Variants in ZNF407 observed in about 807,000 individuals in gnomAD.
ZNF407 encodes zinc finger protein 407.
A neutral mutation model predicts 131.2 loss-of-function variants in ZNF407; 17 were observed. The observed-to-expected ratio is 0.13, with a 90% CI of 0.09 to 0.19. The LOEUF is 0.19. Among genes scored for constraint, ZNF407 ranks in the 10% least tolerant of loss-of-function variants. ZNF407 has a pLI of 1.00. For synonymous variants in ZNF407, 1,156 were observed against 1,062.0 expected (o/e 1.09, Z -1.72); for missense variants, 2,681 against 2,830.6 (o/e 0.95, Z 1.20).
intron 3 of ZNF407, among the ~76,000 whole-genome samples, chr18:74,716,683 A>G (rs76486841): frequency 0.011 from 1,687 of 152,338 alleles, 21 homozygotes; most frequent in Admixed American, 0.04. Context: ...AAAATATACT[A>G]TGGTAAAAAT....
intron 3 of ZNF407, among the ~76,000 whole-genome samples, chr18:74,774,667 T>C (rs573533300): frequency 7.9e-5 from 12 of 152,170 alleles, no homozygotes; most frequent in Non-Finnish European, 1.8e-4. Flanking sequence ...TTTGTCACTA[T>C]ACAAATAAAG....
chr18:74,677,018 C>T (rs1986422259), intron 3 of ZNF407, among the ~76,000 whole-genome samples: 1 of 152,104 alleles, frequency 6.6e-6, no homozygotes, highest in Non-Finnish European at 1.5e-5. Flanking sequence ...AGATTTTGGA[C>T]CCCTGCAGCT....
chr18:74,807,469 C>T (rs1337383607), intron 4 of ZNF407, among the ~76,000 whole-genome samples: 1 of 152,166 alleles, frequency 6.6e-6, no homozygotes, highest in Non-Finnish European at 1.5e-5. Context: ...ACTAGTTATG[C>T]TATAGTATGG....
At chr18:74,759,420 A>G (rs1217884699) in intron 3 of ZNF407, among the ~76,000 whole-genome samples, 1 of 151,840 alleles carries the variant, frequency 6.6e-6, no homozygotes, top group Non-Finnish European at 1.5e-5. Flanking sequence ...TGATTTCTTC[A>G]ATTTCTTTTC....
chr18:74,778,314 G>A (rs999233975), intron 3 of ZNF407, among the ~76,000 whole-genome samples: 81 of 152,226 alleles, frequency 5.3e-4, no homozygotes, highest in Admixed American at 5.2e-3. Context: ...CCTGAGCAGG[G>A]GTTGCTGGTC....
chr18:74,940,618 G>A (rs185622479), intron 8 of ZNF407, among the ~76,000 whole-genome samples: 1 of 152,294 alleles, frequency 6.6e-6, no homozygotes, highest in East Asian at 1.9e-4. Flanking sequence ...TAAGATTTGT[G>A]TCACTCTCTA....
At chr18:74,830,656 T>G (rs1970469758) in intron 4 of ZNF407, among the ~76,000 whole-genome samples, 1 of 152,182 alleles carries the variant, frequency 6.6e-6, no homozygotes, top group Non-Finnish European at 1.5e-5. Context: ...GTATGGCGTA[T>G]GTATGGTGTA....
At chr18:74,892,064 A>G (rs1559792) in intron 7 of ZNF407, among the ~76,000 whole-genome samples, 1,863 of 152,330 alleles carry the variant, frequency 0.012, 32 homozygotes, top group African/African-American at 0.042. Flanking sequence ...TAAAACAGAG[A>G]AAAGTGTTAT....
intron 3 of ZNF407, among the ~76,000 whole-genome samples, chr18:74,755,512 A>G (rs1391415304): frequency 6.9e-6 from 1 of 145,850 alleles, no homozygotes; most frequent in Non-Finnish European, 1.5e-5. Context: ...TCTTAATTGT[A>G]TTTCATTGAT....
intron 8 of ZNF407, among the ~76,000 whole-genome samples, chr18:75,025,539 A>G (rs777638413): frequency 2.0e-5 from 3 of 152,174 alleles, no homozygotes; most frequent in Non-Finnish European, 4.4e-5. Context: ...AATGTGTACA[A>G]CATTTCACTT....
At chr18:74,713,891 A>T (rs900721734) in intron 3 of ZNF407, among the ~76,000 whole-genome samples, 1 of 152,192 alleles carries the variant, frequency 6.6e-6, no homozygotes, top group Non-Finnish European at 1.5e-5. Flanking sequence ...TATGTTTGGC[A>T]TAATATGGCA....
chr18:74,762,603 C>A (rs1329726257), intron 3 of ZNF407, among the ~76,000 whole-genome samples: 4 of 152,090 alleles, frequency 2.6e-5, no homozygotes, highest in Non-Finnish European at 5.9e-5. Context: ...CTCTGCCATC[C>A]CTATGCAACT....
At chr18:75,029,091 C>T (rs1423099214) in intron 8 of ZNF407, among the ~76,000 whole-genome samples, 5 of 152,120 alleles carry the variant, frequency 3.3e-5, no homozygotes, top group Admixed American at 3.3e-4. Context: ...GCCCTTTTCT[C>T]AAAATGCACA....
chr18:74,797,997 G>T (rs1365343725), intron 4 of ZNF407, among the ~76,000 whole-genome samples: 1 of 152,098 alleles, frequency 6.6e-6, no homozygotes, highest in East Asian at 1.9e-4. Flanking sequence ...TGTACATGGG[G>T]AAGGGAAAGC....
At chr18:74,949,311 A>G (rs1972187929) in intron 8 of ZNF407, among the ~76,000 whole-genome samples, 1 of 152,200 alleles carries the variant, frequency 6.6e-6, no homozygotes, top group Non-Finnish European at 1.5e-5. Flanking sequence ...GTCAGGATTC[A>G]GGGGAATCAC....
chr18:74,750,611 C>G (rs1190352479), intron 3 of ZNF407, among the ~76,000 whole-genome samples: 2 of 152,152 alleles, frequency 1.3e-5, no homozygotes, highest in Non-Finnish European at 2.9e-5. Flanking sequence ...TTCACCCGTT[C>G]ATCATTTCAT....
intron 3 of ZNF407, among the ~76,000 whole-genome samples, chr18:74,648,704 C>T (rs1228199746): frequency 6.6e-6 from 1 of 152,132 alleles, no homozygotes; most frequent in African/African-American, 2.4e-5. Context: ...CAGCATAGTT[C>T]CAAATAATAA....
chr18:75,058,567 C>T (rs551380387), intron 8 of ZNF407, among the ~76,000 whole-genome samples: 6 of 152,228 alleles, frequency 3.9e-5, no homozygotes, highest in African/African-American at 1.4e-4. Flanking sequence ...TTAAAGGTAC[C>T]GTAATACAAA....
chr18:75,016,388 T>G (rs775955978), intron 8 of ZNF407, among the ~76,000 whole-genome samples: 3 of 152,162 alleles, frequency 2.0e-5, no homozygotes, highest in Non-Finnish European at 4.4e-5. Context: ...AGTTTCAACT[T>G]ATTTCACCAT....
Sources: allele counts gnomAD v4.1 joint callset (sites outside exome capture counted in the v4.1 genomes callset), GRCh38; gene constraint gnomAD v4.1.1; transcripts MANE v1.5; gene names NCBI Gene and HGNC (gene_info 2026-07-23, HGNC 2026-07-21).